The following SERF1B variants were observed in gnomAD, a reference collection of about 807,000 sequenced individuals.
The protein encoded by SERF1B is small EDRK-rich factor 1B, also known as small EDRK-rich factor 1.
chr5:70,037,677 C>T (rs1187804259), intron 2 of SERF1B, among the ~76,000 whole-genome samples: 11 of 117,436 alleles, frequency 9.4e-5, no homozygotes, highest in African/African-American at 1.4e-4. Context: ...AAAACAAGGC[C>T]GGGCATGGTG....
At chr5:70,038,299 T>G (rs1475832889) in intron 2 of SERF1B, among the ~76,000 whole-genome samples, 9 of 144,070 alleles carry the variant, frequency 6.2e-5, no homozygotes, top group African/African-American at 2.4e-4. Context: ...GTTACGTATT[T>G]AACCCATTTC....
intron 2 of SERF1B, among the ~76,000 whole-genome samples, chr5:70,036,664 C>CTCTCTCTG (rs1561408640): frequency 6.7e-6 from 1 of 149,840 alleles, no homozygotes; most frequent in Non-Finnish European, 1.5e-5. Flanking sequence ...CTCTCTCTCT[C>CTCTCTCTG]AAAAACACTT....
chr5:70,037,558 A>C (rs1199153394), intron 2 of SERF1B, among the ~76,000 whole-genome samples: 1 of 150,770 alleles, frequency 6.6e-6, no homozygotes, highest in African/African-American at 2.4e-5. Flanking sequence ...CTGAGGCAGG[A>C]GAATCGCTTG....
rs1186882673 is a variant in SERF1B, at chr5:70,037,971, CA to C, written c.117-3542del. ...ACAAGACTCTGTCTCAAAAAAAAAA[CA>C]AAAAAAAAAACATACAAACCGAATT... On this transcript the variant is annotated intron_variant, in intron 2 of 2. Transcript: ENST00000380750. 4.5e-4 allele frequency among the ~76,000 whole-genome samples: 40 copies of C among 88,552 alleles called. 2 individuals carry two copies. The highest frequency in any genetic ancestry group is 4.7e-3 in the Middle Eastern group (1 of 214). The allele number at this position is 88,552 out of a possible 152,430, so 58.1% of individuals were successfully genotyped here. A position where few individuals can be genotyped will look rare whatever the true frequency, so the allele number is the denominator to read the frequency against.
At chr5:70,028,561 A>AAAG (rs1774088268) in intron 2 of SERF1B, among the ~76,000 whole-genome samples, 1 of 134,102 alleles carries the variant, frequency 7.5e-6, no homozygotes. Flanking sequence ...TCAAAAAAAA[A>AAAG]AAAAGCCAAC....
chr5:70,028,860 C>G (rs1224637542), intron 2 of SERF1B, among the ~76,000 whole-genome samples: 1 of 148,570 alleles, frequency 6.7e-6, no homozygotes, highest in Non-Finnish European at 1.5e-5. Context: ...GCCTGTAGTC[C>G]CAGCTACTCG....
intron 2 of SERF1B, among the ~76,000 whole-genome samples, chr5:70,029,229 G>A (rs1774110805): frequency 6.6e-6 from 1 of 151,578 alleles, no homozygotes; most frequent in Admixed American, 6.6e-5. Context: ...TCCACCTCCT[G>A]GGCTTAAGCG....
At chr5:70,029,629 A>G (rs965428356) in intron 2 of SERF1B, 2 of 382,714 alleles carry the variant, frequency 5.2e-6, no homozygotes, top group African/African-American at 4.3e-5. Context: ...CAGCACACCC[A>G]GTTATACCTT....
chr5:70,029,867 C>T (rs778993715), intron 2 of SERF1B: 6 of 419,566 alleles, frequency 1.4e-5, no homozygotes, highest in South Asian at 8.1e-5. Flanking sequence ...CCACCTCAGC[C>T]TTCTGAGTAG....
rs1392853192 is a variant in SERF1B at position 70,037,678 on chromosome 5, G to A, written c.117-3846G>A. 6.0e-5 allele frequency among the ~76,000 whole-genome samples: 7 copies of A among 117,298 alleles called. 1 individual carries two copies. Among genetic ancestry groups the A allele is most frequent in the African/African-American group, 2.4e-4 (5 of 20,690 alleles). 77.0% of individuals were successfully genotyped at this position (117,298 alleles called of 152,430 possible). A position where few individuals can be genotyped will look rare whatever the true frequency, so the allele number is the denominator to read the frequency against. On this transcript the variant is annotated intron_variant, in intron 2 of 2. Coordinates refer to ENST00000380750, the MANE Select transcript of SERF1B (RefSeq NM_022978.3). ...AAATAAATAAATAAAAAACAAGGCC[G>A]GGCATGGTGGCTCATGCCTATAATC...
rs1491213976 is a variant in SERF1B at position 70,035,384 on chromosome 5, T to TTATTA, written c.117-6139_117-6138insATTAT. ...ATTTTAATTATTATTATTATTATTA[T>TTATTA]TTTTTTTTTTTTTTGAGACGGAGTT... On this transcript the variant is annotated intron_variant, in intron 2 of 2. Coordinates refer to ENST00000380750, the MANE Select transcript of SERF1B (RefSeq NM_022978.3). Among the ~76,000 whole-genome samples, 7 of 125,774 alleles carry TTATTA rather than the reference T, an allele frequency of 5.6e-5. No homozygotes were observed. In the East Asian group the frequency reaches 8.4e-4, roughly 15 times the overall value. 82.5% of individuals were successfully genotyped at this position (125,774 alleles called of 152,430 possible). A position where few individuals can be genotyped will look rare whatever the true frequency, so the allele number is the denominator to read the frequency against.
chr5:70,029,424 C>T (rs982713186), intron 2 of SERF1B, among the ~76,000 whole-genome samples: 63 of 149,870 alleles, frequency 4.2e-4, no homozygotes, highest in African/African-American at 1.6e-3. Flanking sequence ...GCGTGAGCCA[C>T]CACGCTGGCC....
At chr5:70,034,816 G>A (rs1161877226) in intron 2 of SERF1B, among the ~76,000 whole-genome samples, 1 of 2,756 alleles carries the variant, frequency 3.6e-4, no homozygotes, top group Non-Finnish European at 5.6e-4. Context: ...CAAAGCAGGC[G>A]GAAAAATTAT....
chr5:70,028,947 A>G (rs1774101680), intron 2 of SERF1B, among the ~76,000 whole-genome samples: 1 of 151,754 alleles, frequency 6.6e-6, no homozygotes, highest in African/African-American at 2.4e-5. Flanking sequence ...ACCGCACTCC[A>G]GCCTGGGCGA....
chr5:70,029,195 G>A (rs1360178006), intron 2 of SERF1B, among the ~76,000 whole-genome samples: 1 of 151,598 alleles, frequency 6.6e-6, no homozygotes, highest in Non-Finnish European at 1.5e-5. Context: ...GAGGGCAGTG[G>A]CGTGATCTCG....
At chr5:70,037,982 A>AC (rs1256810940) in intron 2 of SERF1B, among the ~76,000 whole-genome samples, 4 of 114,062 alleles carry the variant, frequency 3.5e-5, no homozygotes, top group African/African-American at 2.0e-4. Flanking sequence ...AAAAAAAAAA[A>AC]CATACAAACC....
At chr5:70,038,293 C>T (rs1209229966) in intron 2 of SERF1B, among the ~76,000 whole-genome samples, 1 of 145,162 alleles carries the variant, frequency 6.9e-6, no homozygotes, top group African/African-American at 2.6e-5. Flanking sequence ...TACAGAGTTA[C>T]GTATTTAACC....
chr5:70,029,246 C>T (rs1309188523), intron 2 of SERF1B, among the ~76,000 whole-genome samples: 1 of 151,718 alleles, frequency 6.6e-6, no homozygotes, highest in Non-Finnish European at 1.5e-5. Context: ...AGCGATTCTC[C>T]TGCGTCAGCA....
intron 2 of SERF1B, among the ~76,000 whole-genome samples, chr5:70,036,881 G>A (rs1346943732): frequency 8.5e-5 from 6 of 70,362 alleles, no homozygotes; most frequent in Admixed American, 1.5e-4. Flanking sequence ...ATGCTCAAAT[G>A]TACTTCCCTA....
Sources: gnomAD v4.1 joint callset for allele counts (sites outside exome capture counted in the v4.1 genomes callset) on GRCh38, gnomAD v4.1.1 for gene constraint, MANE v1.5 for transcripts, NCBI Gene and HGNC (gene_info 2026-07-23, HGNC 2026-07-21) for gene names.